Variants in CCSER1 observed in about 807,000 individuals in gnomAD.
CCSER1 encodes the protein serine-rich coiled-coil domain-containing protein 1.
A neutral mutation model predicts 82.0 loss-of-function variants in CCSER1; 41 were observed. The ratio of observed to expected loss-of-function variants is 0.50; its 90% CI spans 0.39 to 0.65. The LOEUF (loss-of-function observed/expected upper bound fraction) is 0.65, where lower values mean the gene tolerates loss of function less well. Among genes scored for constraint, CCSER1 ranks in the 30% least tolerant of loss-of-function variants. The pLI is 0.00. For missense variants in CCSER1, 1,119 were observed against 1,064.2 expected (o/e 1.05, Z -0.72); for synonymous variants, 414 against 383.9 (o/e 1.08, Z -0.92).
At chr4:90,395,165 T>C (rs769445440) in intron 3 of CCSER1, among the ~76,000 whole-genome samples, 1 of 152,200 alleles carries the variant, frequency 6.6e-6, no homozygotes, top group Non-Finnish European at 1.5e-5. Context: ...CCATGTGAGA[T>C]CATGTGGTAT....
At chr4:91,411,483 CATATATACATATATATAT>C (rs1406466344) in intron 10 of CCSER1, among the ~76,000 whole-genome samples, 13 of 69,260 alleles carry the variant, frequency 1.9e-4, no homozygotes, top group Admixed American at 6.5e-4. Flanking sequence ...TAAATTTCTG[CATATATACATATATATAT>C]ATATATATAT....
chr4:90,801,758 T>C (rs919325914), intron 7 of CCSER1, among the ~76,000 whole-genome samples: 2 of 152,218 alleles, frequency 1.3e-5, no homozygotes, highest in South Asian at 2.1e-4. Context: ...TAGTTTGTGT[T>C]TTATTTGTAA....
chr4:91,266,946 A>T (rs1223880895), intron 10 of CCSER1, among the ~76,000 whole-genome samples: 1 of 152,118 alleles, frequency 6.6e-6, no homozygotes, highest in African/African-American at 2.4e-5. Flanking sequence ...TGCATGCCTG[A>T]TTCCAGATAA....
In CCSER1 at chr4:91,176,058, C is replaced by T. The variant is rs554012073; in HGVS notation, c.2217+90064C>T. Among the ~76,000 whole-genome samples the T allele has an allele frequency of 9.2e-5, 14 of 152,286 alleles. 1 individual carries two copies. Among genetic ancestry groups the T allele is most frequent in the Admixed American group, 5.9e-4 (9 of 15,282 alleles). The stretch of plus-strand genomic sequence containing the variant: ...TCTACATATGGCTAGCCAGTTTTCC[C>T]AGCACCATTTGTTTAGATAGGGAAT... On this transcript the variant is annotated intron_variant, in intron 10 of 10. Transcript: ENST00000509176.
chr4:91,298,041 G>A (rs1437097545), intron 10 of CCSER1, among the ~76,000 whole-genome samples: 1 of 151,958 alleles, frequency 6.6e-6, no homozygotes, highest in Non-Finnish European at 1.5e-5. Flanking sequence ...CCTACATGGA[G>A]AAGCATAAGT....
chr4:90,828,364 A>T (rs1012910654), intron 8 of CCSER1, among the ~76,000 whole-genome samples: 1 of 152,192 alleles, frequency 6.6e-6, no homozygotes, highest in South Asian at 2.1e-4. Context: ...AAGTCTATTT[A>T]TATCACTAAG....
At chr4:91,147,110 C>G (rs1285061883) in intron 10 of CCSER1, among the ~76,000 whole-genome samples, 1 of 152,184 alleles carries the variant, frequency 6.6e-6, no homozygotes, top group Non-Finnish European at 1.5e-5. Flanking sequence ...TTCCACTGGT[C>G]CTTTGAGCTT....
intron 1 of CCSER1, among the ~76,000 whole-genome samples, chr4:90,169,301 G>C (rs2153375015): frequency 6.6e-6 from 1 of 152,234 alleles, no homozygotes; most frequent in East Asian, 1.9e-4. Flanking sequence ...GTATAGGAAT[G>C]CTTATGATTT....
At chr4:91,297,917 C>T (rs915103619) in intron 10 of CCSER1, among the ~76,000 whole-genome samples, 7 of 151,912 alleles carry the variant, frequency 4.6e-5, no homozygotes, top group African/African-American at 1.7e-4. Context: ...CCTTGAAAGA[C>T]GTGCATGAGA....
intron 8 of CCSER1, among the ~76,000 whole-genome samples, chr4:90,835,002 A>T (rs961139437): frequency 5.9e-5 from 9 of 152,152 alleles, no homozygotes; most frequent in Non-Finnish European, 1.2e-4. Flanking sequence ...TATGTTTTTC[A>T]TCTGCATCTA....
At chr4:90,883,858 G>A (rs1721712331) in intron 8 of CCSER1, among the ~76,000 whole-genome samples, 1 of 152,050 alleles carries the variant, frequency 6.6e-6, no homozygotes, top group South Asian at 2.1e-4. Flanking sequence ...ACCTTATAAG[G>A]ACAATTGGAG....
intron 10 of CCSER1, among the ~76,000 whole-genome samples, chr4:91,357,550 T>A (rs1378377633): frequency 1.3e-5 from 2 of 152,160 alleles, no homozygotes; most frequent in African/African-American, 4.8e-5. Context: ...ATAATTTTTT[T>A]AACCTTTTAA....
intron 1 of CCSER1, among the ~76,000 whole-genome samples, chr4:90,142,838 A>G (rs1725049817): frequency 6.6e-6 from 1 of 152,104 alleles, no homozygotes; most frequent in South Asian, 2.1e-4. Flanking sequence ...GGTTTTGGTT[A>G]GAACTTTGTG....
At chr4:91,344,032 A>G (rs534801355) in intron 10 of CCSER1, among the ~76,000 whole-genome samples, 4 of 152,314 alleles carry the variant, frequency 2.6e-5, no homozygotes, top group Admixed American at 6.5e-5. Flanking sequence ...AGCAGCTACT[A>G]TGGTTGGATG....
At chr4:90,931,285 G>A (rs946670639) in intron 9 of CCSER1, among the ~76,000 whole-genome samples, 1 of 151,598 alleles carries the variant, frequency 6.6e-6, no homozygotes, top group Non-Finnish European at 1.5e-5. Flanking sequence ...TAATTTTTCT[G>A]TGTATATAAT....
At position 90,604,669 on chromosome 4, in the gene CCSER1, CT is replaced by C. The variant is rs1233383364; in HGVS notation, c.1725-23355del. The stretch of plus-strand genomic sequence containing the variant: ...GGTCTTGGAGAACTTTTATGTCTAG[CT>C]AAAGGTTTGTAAATGCACCAATCAG... On this transcript the variant is annotated intron_variant, in intron 5 of 10. Coordinates refer to ENST00000509176, the MANE Select transcript of CCSER1 (RefSeq NM_001145065.2). Among the ~76,000 whole-genome samples, 5 of 152,150 alleles carry C rather than the reference CT, an allele frequency of 3.3e-5. No individual in the cohort carries two copies. In the East Asian group the frequency reaches 9.6e-4, roughly 29 times the overall value.
At chr4:91,377,866 G>T (rs1454984207) in intron 10 of CCSER1, among the ~76,000 whole-genome samples, 1 of 152,058 alleles carries the variant, frequency 6.6e-6, no homozygotes, top group Non-Finnish European at 1.5e-5. Flanking sequence ...TTTCTTCTAG[G>T]GTTTTTATGG....
At chr4:91,105,948 G>A (rs1446974459) in intron 10 of CCSER1, among the ~76,000 whole-genome samples, 3 of 151,906 alleles carry the variant, frequency 2.0e-5, no homozygotes, top group Non-Finnish European at 4.4e-5. Context: ...GTTTTGTACA[G>A]CCTGCTGCTC....
chr4:91,317,961 G>A (rs1745944840), intron 10 of CCSER1, among the ~76,000 whole-genome samples: 1 of 151,960 alleles, frequency 6.6e-6, no homozygotes, highest in Non-Finnish European at 1.5e-5. Flanking sequence ...GGGATGTTTT[G>A]AACTTAATGA....
Sources: allele counts gnomAD v4.1 joint callset (sites outside exome capture counted in the v4.1 genomes callset), GRCh38; gene constraint gnomAD v4.1.1; transcripts MANE v1.5; gene names NCBI Gene and HGNC (gene_info 2026-07-23, HGNC 2026-07-21).